The following DLGAP2 variants were observed in gnomAD, a reference collection of about 807,000 sequenced individuals.
DLGAP2 encodes the protein disks large-associated protein 2.
Under a neutral mutation model 100.3 loss-of-function variants are expected in DLGAP2, and 26 were observed. The observed-to-expected ratio is 0.26, with a 90% CI of 0.19 to 0.36. The LOEUF is 0.36. Ranked by LOEUF, DLGAP2 falls within the 10% of genes least tolerant of loss-of-function variation. The pLI, the probability that DLGAP2 is intolerant of heterozygous loss-of-function variation, is 1.00. For synonymous variants in DLGAP2, 886 were observed against 630.1 expected, an observed-to-expected ratio of 1.41 and a Z score of -6.08; for missense variants, 1,858 against 1,453.2, an observed-to-expected ratio of 1.28 and a Z score of -4.53.
At chr8:1,137,596 C>T (rs1231998706) in intron 2 of DLGAP2, 3 of 152,188 alleles carry the variant, frequency 2.0e-5, no homozygotes, top group Non-Finnish European at 4.4e-5. Context: ...ATTAGTAAAA[C>T]TCCCTGTTTG....
At chr8:1,181,840 C>G (rs1797395486) in intron 2 of DLGAP2, among the ~76,000 whole-genome samples, 1 of 152,218 alleles carries the variant, frequency 6.6e-6, no homozygotes, top group South Asian at 2.1e-4. Flanking sequence ...CAGGTACCAC[C>G]TTCCTCCCTG....
intron 5 of DLGAP2, among the ~76,000 whole-genome samples, chr8:1,556,067 G>A (rs147880123): frequency 1.9e-4 from 29 of 152,358 alleles, no homozygotes; most frequent in Non-Finnish European, 4.0e-4. Context: ...TGGATGCAGA[G>A]ACCTCATGGT....
chr8:1,154,432 A>C (rs1271646942), intron 2 of DLGAP2, among the ~76,000 whole-genome samples: 1 of 152,208 alleles, frequency 6.6e-6, no homozygotes, highest in East Asian at 1.9e-4. Flanking sequence ...TCAAAGTAGT[A>C]GGTGTCACTC....
intron 3 of DLGAP2, among the ~76,000 whole-genome samples, chr8:1,448,314 A>C (rs1029526730): frequency 6.6e-6 from 1 of 152,112 alleles, no homozygotes; most frequent in African/African-American, 2.4e-5. Context: ...TTCAAAGAAC[A>C]TCTTTATTTC....
At chr8:1,677,940 C>T (rs991372849) in intron 11 of DLGAP2, among the ~76,000 whole-genome samples, 3 of 152,214 alleles carry the variant, frequency 2.0e-5, no homozygotes, top group African/African-American at 4.8e-5. Flanking sequence ...TCAAGAAACA[C>T]GTTAACTCTC....
At chr8:1,490,830 C>T (rs1563179850) in intron 3 of DLGAP2, among the ~76,000 whole-genome samples, 1 of 150,800 alleles carries the variant, frequency 6.6e-6, no homozygotes, top group Non-Finnish European at 1.5e-5. Context: ...AAATTGAGAA[C>T]ACATGGACAC....
chr8:1,183,555 C>G (rs7841110), intron 2 of DLGAP2, among the ~76,000 whole-genome samples: 1 of 152,108 alleles, frequency 6.6e-6, no homozygotes, highest in African/African-American at 2.4e-5. Context: ...GAGGTAGCTG[C>G]TGTTAGTATC....
At chr8:962,368 T>A (rs1799746336) in intron 2 of DLGAP2, among the ~76,000 whole-genome samples, 1 of 152,098 alleles carries the variant, frequency 6.6e-6, no homozygotes, top group Admixed American at 6.5e-5. Flanking sequence ...TCTCCATAAT[T>A]AACTTTTGTT....
chr8:1,163,053 T>A (rs529558835), intron 2 of DLGAP2, among the ~76,000 whole-genome samples: 44 of 152,030 alleles, frequency 2.9e-4, no homozygotes, highest in African/African-American at 1.0e-3. Context: ...GGCCCTGGAG[T>A]GTGAACGTGG....
At chr8:1,029,357 C>T (rs1005717199) in intron 2 of DLGAP2, among the ~76,000 whole-genome samples, 1 of 152,094 alleles carries the variant, frequency 6.6e-6, no homozygotes, top group Non-Finnish European at 1.5e-5. Flanking sequence ...TTAGGGTGGG[C>T]AGAGTAGTGA....
chr8:824,565 C>T (rs960526948), intron 1 of DLGAP2, among the ~76,000 whole-genome samples: 1 of 151,976 alleles, frequency 6.6e-6, no homozygotes, highest in African/African-American at 2.4e-5. Flanking sequence ...CCCACCCCCA[C>T]CTGTGTTCCC....
intron 2 of DLGAP2, among the ~76,000 whole-genome samples, chr8:960,237 C>CTTTTTTTT (rs71528625): frequency 0.15 from 6,664 of 44,650 alleles, 1,584 homozygotes; most frequent in Non-Finnish European, 0.2. Flanking sequence ...TGAAGTATAT[C>CTTTTTTTT]TTTTTTTTTT....
chr8:739,187 G>T (rs2132553481), intron 1 of DLGAP2: 1 of 152,414 alleles, frequency 6.6e-6, no homozygotes, highest in Middle Eastern at 3.4e-3. Context: ...TCTCCAAAGC[G>T]CCGCCGCTTC....
In DLGAP2 at chr8:1,704,009, A is replaced by G. The variant is rs911215150; in HGVS notation, c.*2603A>G. ...TCCGTGTTACATAATCAAGTGCAATATACTCAGTTCTCATGCAGGTGACAT... is the reference window on the plus strand; with the variant it reads ...TCCGTGTTACATAATCAAGTGCAATGTACTCAGTTCTCATGCAGGTGACAT... On this transcript the variant is annotated 3_prime_UTR_variant, in exon 15 of 15. Coordinates refer to ENST00000637795, the MANE Select transcript of DLGAP2 (RefSeq NM_001346810.2). 24 of 152,660 alleles carry G rather than the reference A, an allele frequency of 1.6e-4. No individual in the cohort carries two copies. The highest frequency in any genetic ancestry group is 5.8e-4 in the African/African-American group (24 of 41,462). 9.5% of individuals were successfully genotyped at this position (152,660 alleles called of 1,614,324 possible).
intron 2 of DLGAP2, among the ~76,000 whole-genome samples, chr8:1,131,043 G>C (rs562532663): frequency 3.3e-5 from 5 of 152,122 alleles, no homozygotes; most frequent in African/African-American, 1.2e-4. Flanking sequence ...AGAAGGATGC[G>C]CATTATTTTC....
intron 2 of DLGAP2, among the ~76,000 whole-genome samples, chr8:1,122,543 T>C (rs1271787467): frequency 6.6e-6 from 1 of 152,212 alleles, no homozygotes; most frequent in Non-Finnish European, 1.5e-5. Flanking sequence ...TCATAAACTG[T>C]TTTGTCATAG....
intron 3 of DLGAP2, among the ~76,000 whole-genome samples, chr8:1,422,517 C>A (rs1330759629): frequency 6.6e-6 from 1 of 150,900 alleles, no homozygotes; most frequent in African/African-American, 2.4e-5. Context: ...GCGTCTTGAT[C>A]CCATGAAGGC....
Position 1,328,369 on chromosome 8 carries a change from A to G in DLGAP2, c.106+69486A>G, listed in dbSNP as rs182070050. Among the ~76,000 whole-genome samples, 23 of 151,998 alleles carry G rather than the reference A, an allele frequency of 1.5e-4. No homozygotes were observed. In the East Asian group the frequency reaches 4.5e-3, roughly 29 times the overall value. ...AGTCTCACTGTGTCGCCCAGGCTGGAGTAGAGTGGCATAGTCTTGGCTCAC... is the reference window on the plus strand; with the variant it reads ...AGTCTCACTGTGTCGCCCAGGCTGGGGTAGAGTGGCATAGTCTTGGCTCAC... On this transcript the variant is annotated intron_variant, in intron 3 of 14. Coordinates refer to ENST00000637795, the MANE Select transcript of DLGAP2 (RefSeq NM_001346810.2).
At chr8:1,281,684 C>T (rs181088306) in intron 3 of DLGAP2, among the ~76,000 whole-genome samples, 5 of 152,274 alleles carry the variant, frequency 3.3e-5, no homozygotes, top group Non-Finnish European at 5.9e-5. Context: ...AATTCAGCTC[C>T]CCACACTCCC....
Sources: gnomAD v4.1 joint callset for allele counts (sites outside exome capture counted in the v4.1 genomes callset) on GRCh38, gnomAD v4.1.1 for gene constraint, MANE v1.5 for transcripts, NCBI Gene and HGNC (gene_info 2026-07-23, HGNC 2026-07-21) for gene names.